GRM5: variants seen among roughly 807,000 people sequenced by gnomAD.
The protein encoded by GRM5 is metabotropic glutamate receptor 5.
In GRM5, 19 loss-of-function variants were observed where a neutral mutation model predicts 83.1. The ratio of observed to expected loss-of-function variants is 0.23; its 90% confidence interval spans 0.16 to 0.34. The LOEUF is 0.34. GRM5 is among the 10% of genes least tolerant of loss of function. The probability of loss-of-function intolerance (pLI) is 1.00; values close to 1 mark genes in which losing one functional copy is unlikely to be tolerated. For missense variants in GRM5, 1,160 were observed against 1,588.3 expected, an observed-to-expected ratio of 0.73 and a Z score of 4.58; for synonymous variants, 675 against 633.6, an observed-to-expected ratio of 1.07 and a Z score of -0.98.
At chr11:88,739,457 A>G (rs770306516) in intron 3 of GRM5, among the ~76,000 whole-genome samples, 34 of 152,082 alleles carry the variant, frequency 2.2e-4, no homozygotes, top group Non-Finnish European at 4.0e-4. Context: ...ATTTTAATTT[A>G]GGACAGATTT....
chr11:88,932,878 G>A (rs1464307102), intron 2 of GRM5, among the ~76,000 whole-genome samples: 1 of 151,842 alleles, frequency 6.6e-6, no homozygotes, highest in Non-Finnish European at 1.5e-5. Context: ...GAAATGCCTG[G>A]TAGGATTTCA....
At chr11:88,514,706 T>G (rs1260549723) in intron 9 of GRM5, among the ~76,000 whole-genome samples, 1 of 152,122 alleles carries the variant, frequency 6.6e-6, no homozygotes, top group Non-Finnish European at 1.5e-5. Context: ...CTTATCAGGA[T>G]TAGAAAAATT....
intron 2 of GRM5, among the ~76,000 whole-genome samples, chr11:88,906,085 T>C (rs1454700671): frequency 6.6e-6 from 1 of 152,202 alleles, no homozygotes; most frequent in Non-Finnish European, 1.5e-5. Flanking sequence ...TTATATTGGT[T>C]ACCTTCTGTT....
In GRM5 at chr11:88,658,037, C is replaced by T. The variant is rs61902894; in HGVS notation, c.912-4634G>A. Among the ~76,000 whole-genome samples, 4 of 152,106 alleles carry T rather than the reference C, an allele frequency of 2.6e-5. 1 individual carries two copies. The highest frequency in any genetic ancestry group is 2.0e-4 in the Admixed American group (3 of 15,256). ...GACCAGTACCTGTCCGTGTCCTGTT[C>T]GGAACCTGGCTGCACAGCAGGAGGT... On this transcript the variant is annotated intron_variant, in intron 3 of 9. Coordinates refer to ENST00000305447, the MANE Select transcript of GRM5 (RefSeq NM_001143831.3).
chr11:88,716,550 G>A (rs1191767495), intron 3 of GRM5, among the ~76,000 whole-genome samples: 4 of 151,920 alleles, frequency 2.6e-5, no homozygotes, highest in East Asian at 3.9e-4. Flanking sequence ...ACTGCTTAAT[G>A]CTTTCAGAGT....
intron 2 of GRM5, among the ~76,000 whole-genome samples, chr11:88,944,441 G>A (rs912360623): frequency 6.6e-6 from 1 of 151,706 alleles, no homozygotes; most frequent in Non-Finnish European, 1.5e-5. Flanking sequence ...TATTTACATA[G>A]TAAAATGATT....
At chr11:88,657,538 C>G (rs1304739334) in intron 3 of GRM5, among the ~76,000 whole-genome samples, 1 of 152,124 alleles carries the variant, frequency 6.6e-6, no homozygotes, top group Non-Finnish European at 1.5e-5. Flanking sequence ...TGCTAATCTA[C>G]AGAGAATTTA....
chr11:88,655,349 G>A (rs1425512378), intron 3 of GRM5, among the ~76,000 whole-genome samples: 5 of 151,972 alleles, frequency 3.3e-5, no homozygotes, highest in East Asian at 1.9e-4. Context: ...ATTGGCACTC[G>A]AGGAGCAGCA....
chr11:88,743,880 C>G (rs544856129), intron 3 of GRM5, among the ~76,000 whole-genome samples: 1 of 152,212 alleles, frequency 6.6e-6, no homozygotes, highest in South Asian at 2.1e-4. Flanking sequence ...GCTATACATG[C>G]TAGAAGTAAT....
At chr11:88,700,388 G>A (rs1227768065) in intron 3 of GRM5, among the ~76,000 whole-genome samples, 1 of 152,050 alleles carries the variant, frequency 6.6e-6, no homozygotes, top group Non-Finnish European at 1.5e-5. Context: ...GGATCTGAAA[G>A]CATGGGATCT....
chr11:89,038,186 A>G (rs1941439962), intron 2 of GRM5, among the ~76,000 whole-genome samples: 1 of 151,316 alleles, frequency 6.6e-6, no homozygotes, highest in African/African-American at 2.4e-5. Context: ...TGTGAAAATC[A>G]ATGTGTAAAT....
chr11:88,896,832 C>T (rs1318789200), intron 2 of GRM5, among the ~76,000 whole-genome samples: 1 of 151,834 alleles, frequency 6.6e-6, no homozygotes, highest in African/African-American at 2.4e-5. Flanking sequence ...TAGCCTGATT[C>T]TTAGACTAAT....
At chr11:88,995,305 G>A (rs550502293) in intron 2 of GRM5, among the ~76,000 whole-genome samples, 3 of 152,064 alleles carry the variant, frequency 2.0e-5, no homozygotes, top group South Asian at 2.1e-4. Context: ...CCAGCACTTC[G>A]GGAGGCCAAG....
chr11:88,594,039 C>A lies in GRM5; in HGVS notation c.1563+3145G>T, dbSNP rs186775018. 5.7e-3 allele frequency among the ~76,000 whole-genome samples: 862 copies of A among 152,136 alleles called. 6 individuals are homozygous for A. The highest frequency in any genetic ancestry group is 0.02 in the African/African-American group (822 of 41,536). On this transcript the variant is annotated intron_variant, in intron 6 of 9. Coordinates refer to ENST00000305447, the MANE Select transcript of GRM5 (RefSeq NM_001143831.3). Reference sequence around the variant, plus strand: ...CGATCTCCTGACCTTGTGATCCGCCCGCCTAGGCCTCTCAAAGTGCTGGGA... The same window carrying A: ...CGATCTCCTGACCTTGTGATCCGCCAGCCTAGGCCTCTCAAAGTGCTGGGA...
At chr11:88,848,831 G>A (rs1326929553) in intron 3 of GRM5, among the ~76,000 whole-genome samples, 2 of 152,174 alleles carry the variant, frequency 1.3e-5, no homozygotes, top group African/African-American at 4.8e-5. Context: ...GCAGTAGACT[G>A]AGTAAAGCAG....
At chr11:88,677,010 G>T (rs1383751180) in intron 3 of GRM5, among the ~76,000 whole-genome samples, 1 of 151,956 alleles carries the variant, frequency 6.6e-6, no homozygotes, top group South Asian at 2.1e-4. Flanking sequence ...GAAAACTGTG[G>T]AAGTATGGTT....
At chr11:88,812,362 C>G (rs1943602941) in intron 3 of GRM5, among the ~76,000 whole-genome samples, 1 of 152,054 alleles carries the variant, frequency 6.6e-6, no homozygotes, top group Non-Finnish European at 1.5e-5. Context: ...GAATAAGAAT[C>G]TTAGAATTAT....
In GRM5 at chr11:88,785,628, G is replaced by T. The variant is rs189627005; in HGVS notation, c.911+64278C>A. On this transcript the variant is annotated intron_variant, in intron 3 of 9. Coordinates refer to ENST00000305447, the MANE Select transcript of GRM5 (RefSeq NM_001143831.3). ...ATTATCCTCGGAGACACAACATCAT[G>T]CAGTCAAAGCATTCAGTTCTTTGGC... 4.6e-5 allele frequency among the ~76,000 whole-genome samples: 7 copies of T among 152,166 alleles called. No individual in the cohort carries two copies. The East Asian group carries it at 1.4e-3, about 29-fold the overall frequency.
At chr11:88,801,917 C>A (rs1476555197) in intron 3 of GRM5, among the ~76,000 whole-genome samples, 3 of 151,998 alleles carry the variant, frequency 2.0e-5, no homozygotes, top group Admixed American at 6.6e-5. Flanking sequence ...CAGAGGTTAA[C>A]CCTTTTCTGG....
Sources: gnomAD v4.1 joint callset for allele counts (sites outside exome capture counted in the v4.1 genomes callset) on GRCh38, gnomAD v4.1.1 for gene constraint, MANE v1.5 for transcripts, NCBI Gene and HGNC (gene_info 2026-07-23, HGNC 2026-07-21) for gene names.